Variants in RYR3 observed in about 807,000 individuals in gnomAD.
RYR3 encodes ryanodine receptor 3.
In RYR3, 207 loss-of-function variants were observed where a neutral mutation model predicts 584.3. The observed-to-expected ratio is 0.35, with a 90% CI of 0.32 to 0.40. RYR3 has a LOEUF of 0.40. RYR3 is among the 10% of genes least tolerant of loss of function. The pLI, the probability that RYR3 is intolerant of heterozygous loss-of-function variation, is 1.00. For missense variants in RYR3, 5,616 were observed against 6,089.2 expected, an observed-to-expected ratio of 0.92 and a Z score of 2.59; for synonymous variants, 2,416 against 2,248.5, an observed-to-expected ratio of 1.07 and a Z score of -2.11.
chr15:33,728,397 A>G (rs1413439087), intron 46 of RYR3, among the ~76,000 whole-genome samples: 1 of 152,230 alleles, frequency 6.6e-6, no homozygotes, highest in East Asian at 1.9e-4. Context: ...TTTTTTAAAT[A>G]TCTACTTAAT....
rs144668163 is a variant in RYR3 at position 33,581,715 on chromosome 15, C to CA, written c.1573+72_1573+73insA. 4.0e-3 allele frequency: 5,386 copies of CA among 1,351,546 alleles called. 119 individuals are homozygous for CA. The African/African-American group carries it at 0.055, about 14-fold the overall frequency. 83.7% of individuals were successfully genotyped at this position (1,351,546 alleles called of 1,614,324 possible). ...TTTCCACGTGCAATCCCAAGATTGT[C>CA]TTTAACTTGCCATTAACCCTGTGAT... On this transcript the variant is annotated intron_variant, in intron 14 of 103. Coordinates refer to ENST00000634891, the MANE Select transcript of RYR3 (RefSeq NM_001036.6).
chr15:33,799,617 G>T (rs74008329), intron 67 of RYR3, among the ~76,000 whole-genome samples: 1 of 152,126 alleles, frequency 6.6e-6, no homozygotes, highest in Non-Finnish European at 1.5e-5. Flanking sequence ...TAATAAACTG[G>T]TAATAGTAAA....
intron 99 of RYR3, chr15:33,858,818 CAG>C (rs938344512): frequency 2.0e-5 from 3 of 152,204 alleles, no homozygotes; most frequent in African/African-American, 7.2e-5. Flanking sequence ...GTCTCAGGGA[CAG>C]GGGACAGTGA....
intron 12 of RYR3, among the ~76,000 whole-genome samples, chr15:33,574,945 A>G (rs574742272): frequency 5.3e-5 from 8 of 152,320 alleles, no homozygotes; most frequent in Admixed American, 3.9e-4. Context: ...TTTACCAAGC[A>G]AATGCAAAGT....
intron 12 of RYR3, among the ~76,000 whole-genome samples, chr15:33,578,774 A>AATAC (rs1555536816): frequency 7.1e-6 from 1 of 140,044 alleles, no homozygotes; most frequent in Non-Finnish European, 1.5e-5. Context: ...ATAAAAAAAA[A>AATAC]AAAACAACAA....
At chr15:33,762,839 G>C (rs2072619617) in intron 60 of RYR3, among the ~76,000 whole-genome samples, 1 of 152,168 alleles carries the variant, frequency 6.6e-6, no homozygotes, top group Admixed American at 6.5e-5. Context: ...AACTAAGCTG[G>C]AGGCATCACG....
At chr15:33,596,999 C>T (rs1410393554) in intron 16 of RYR3, among the ~76,000 whole-genome samples, 1 of 152,158 alleles carries the variant, frequency 6.6e-6, no homozygotes, top group Non-Finnish European at 1.5e-5. Flanking sequence ...CAAAACAAAC[C>T]TCCTTATTGC....
chr15:33,857,701 T>TTTTCTTAGAGTCTCCTGTGAACC, intron 98 of RYR3, 79 bp from the exon 99 acceptor site: 1 of 1,562,398 alleles, frequency 6.4e-7, no homozygotes, highest in African/African-American at 1.4e-5. Flanking sequence ...TTCCTCCTCG[T>TTTTCTTAGAGTCTCCTGTGAACC]TTTCTTAGAG....
chr15:33,362,933 G>A (rs1195920538), intron 1 of RYR3, among the ~76,000 whole-genome samples: 1 of 152,174 alleles, frequency 6.6e-6, no homozygotes, highest in Non-Finnish European at 1.5e-5. Flanking sequence ...TCTGCCATGT[G>A]ATGGCAGCAG....
chr15:33,627,787 T>G (rs2061068183), intron 20 of RYR3, among the ~76,000 whole-genome samples: 1 of 152,092 alleles, frequency 6.6e-6, no homozygotes, highest in Admixed American at 6.5e-5. Flanking sequence ...AGTGGAGAGC[T>G]GGGGAGGCCA....
chr15:33,555,072 A>C (rs1040460772), intron 10 of RYR3, among the ~76,000 whole-genome samples: 4 of 152,170 alleles, frequency 2.6e-5, no homozygotes, highest in African/African-American at 9.7e-5. Flanking sequence ...AATTAGAGGA[A>C]ATTTTTTCTC....
At chr15:33,615,021 A>T (rs2060381327) in intron 19 of RYR3, among the ~76,000 whole-genome samples, 1 of 152,118 alleles carries the variant, frequency 6.6e-6, no homozygotes. Flanking sequence ...ATTTTTAATT[A>T]TTTTAACCAC....
intron 2 of RYR3, among the ~76,000 whole-genome samples, chr15:33,501,103 A>G (rs937299705): frequency 6.6e-6 from 1 of 152,088 alleles, no homozygotes; most frequent in Non-Finnish European, 1.5e-5. Context: ...CAGTGCTCCC[A>G]TTTGAGAGGC....
At chr15:33,364,843 AGTAGAT>A (rs1245771834) in intron 1 of RYR3, among the ~76,000 whole-genome samples, 2 of 152,242 alleles carry the variant, frequency 1.3e-5, no homozygotes, top group Non-Finnish European at 2.9e-5. Context: ...AGAAAAGAGC[AGTAGAT>A]GTAATTCCAC....
intron 40 of RYR3, 138 bp from the exon 41 acceptor site, chr15:33,699,566 C>G: frequency 1.4e-6 from 1 of 693,666 alleles, no homozygotes. Context: ...ATGAATAAGT[C>G]TTGAGAAAAA....
At chr15:33,387,914 G>A (rs2041731081) in intron 1 of RYR3, among the ~76,000 whole-genome samples, 2 of 152,054 alleles carry the variant, frequency 1.3e-5, no homozygotes, top group South Asian at 4.1e-4. Context: ...AGTCTAGGCG[G>A]ACTAGAAAGA....
chr15:33,862,453 C>T (rs950018501), intron 102 of RYR3, among the ~76,000 whole-genome samples: 1 of 152,128 alleles, frequency 6.6e-6, no homozygotes, highest in Non-Finnish European at 1.5e-5. Flanking sequence ...GCTATCCACC[C>T]ACCTTGGCCT....
chr15:33,421,827 A>G (rs1295601397), intron 1 of RYR3, among the ~76,000 whole-genome samples: 2 of 152,178 alleles, frequency 1.3e-5, no homozygotes, highest in African/African-American at 2.4e-5. Flanking sequence ...GAGTAACCCA[A>G]TTGTCAGATG....
intron 85 of RYR3, among the ~76,000 whole-genome samples, chr15:33,830,029 G>A (rs529290909): frequency 1.3e-5 from 2 of 152,312 alleles, no homozygotes; most frequent in South Asian, 4.1e-4. Context: ...TCTTGAGATG[G>A]AGTCTTCCTG....
Sources: allele counts gnomAD v4.1 joint callset (sites outside exome capture counted in the v4.1 genomes callset), GRCh38; gene constraint gnomAD v4.1.1; transcripts MANE v1.5; gene names NCBI Gene and HGNC (gene_info 2026-07-23, HGNC 2026-07-21).